APBA2: variants seen among roughly 807,000 people sequenced by gnomAD.
APBA2 encodes the protein amyloid beta precursor protein binding family A member 2.
In APBA2, 30 loss-of-function variants were observed where a neutral mutation model predicts 75.0. The ratio of observed to expected loss-of-function variants is 0.40; its 90% CI spans 0.30 to 0.54. The LOEUF (loss-of-function observed/expected upper bound fraction) is 0.54, where lower values mean the gene tolerates loss of function less well. APBA2 is among the 20% of genes least tolerant of loss of function. The probability of loss-of-function intolerance (pLI) is 0.49; values close to 1 mark genes in which losing one functional copy is unlikely to be tolerated. For missense variants in APBA2, 801 were observed against 1,016.1 expected (o/e 0.79, Z 2.88); for synonymous variants, 444 against 409.6 (o/e 1.08, Z -1.01).
Position 29,053,917 on chromosome 15 carries a change from C to T in APBA2, c.33C>T (p.Ser11=), listed in dbSNP as rs116221298. The T allele has an allele frequency of 1.2e-3, 1,925 of 1,612,646 alleles. 22 individuals carry two copies. The African/African-American group carries it at 0.023, about 19-fold the overall frequency. The change falls in exon 4 of 15, where the codon AGC becomes AGT. Residue 11 remains serine (S), a synonymous_variant. Transcript: ENST00000683413. ...ACCGGAAGCTTGAGAGCGTGGGGAGCGGCATGTTGGACCATAGGGTGAGAC... is the reference window on the plus strand; with the variant it reads ...ACCGGAAGCTTGAGAGCGTGGGGAGTGGCATGTTGGACCATAGGGTGAGAC... MAHRKLESVG[S]GMLDHRVRPG...
At chr15:29,092,926 CGTG>C in intron 6 of APBA2, 146 bp from the exon 7 acceptor site, 2 of 1,032,710 alleles carry the variant, frequency 1.9e-6, no homozygotes, top group Non-Finnish European at 1.5e-6. Flanking sequence ...ACCGGCCGCC[CGTG>C]GCTGGCTGCA....
intron 1 of APBA2, among the ~76,000 whole-genome samples, chr15:28,898,781 G>T (rs2032666822): frequency 6.6e-6 from 1 of 152,182 alleles, no homozygotes; most frequent in Non-Finnish European, 1.5e-5. Context: ...TTCTTCTACT[G>T]CTAGAACAAT....
At chr15:29,065,004 A>AGTGTGTGTGTGT (rs35524060) in intron 4 of APBA2, among the ~76,000 whole-genome samples, 10 of 148,650 alleles carry the variant, frequency 6.7e-5, no homozygotes, top group African/African-American at 2.5e-4. Flanking sequence ...AGGTGCTCAT[A>AGTGTGTGTGTGT]GTGTGTGTGT....
Position 29,112,420 on chromosome 15 carries a change from G to A in APBA2, c.2038-1456G>A, listed in dbSNP as rs145496598. Among the ~76,000 whole-genome samples, 6 of 152,336 alleles carry A rather than the reference G, an allele frequency of 3.9e-5. No individual in the cohort carries two copies. In the East Asian group the frequency reaches 9.7e-4, roughly 25 times the overall value. ...ATCTGGGTGCTGGTGTGTAGGAGAC[G>A]GGGAGGCCCCCTCACAGTTGTCTGT... On this transcript the variant is annotated intron_variant, in intron 13 of 14. Coordinates refer to ENST00000683413, the MANE Select transcript of APBA2 (RefSeq NM_001353788.2).
rs2033764125 is a variant in APBA2 at position 28,918,001 on chromosome 15, T to A, written c.-204-3639T>A. Reference sequence around the variant, plus strand: ...TGCCTACCCCAGCTCAGCTGCCTGCTGCTTAGATGCCACTGTGGGGCAAGG... The same window carrying A: ...TGCCTACCCCAGCTCAGCTGCCTGCAGCTTAGATGCCACTGTGGGGCAAGG... On this transcript the variant is annotated intron_variant, in intron 1 of 14. Transcript: ENST00000683413. The surrounding 1 kb of genome is among the most constrained non-coding windows in gnomAD (Gnocchi z 4.2). Among the ~76,000 whole-genome samples the A allele has an allele frequency of 1.3e-5, 2 of 152,194 alleles. No homozygotes were observed. The highest frequency in any genetic ancestry group is 2.9e-5 in the Non-Finnish European group (2 of 68,030).
Position 29,101,631 on chromosome 15 carries a change from C to T in APBA2, c.1371C>T (p.Ile457=). 1 of 1,613,674 alleles carries T rather than the reference C, an allele frequency of 6.2e-7. No individual in the cohort carries two copies. The highest frequency in any genetic ancestry group is 8.5e-7 in the Non-Finnish European group (1 of 1,179,988). Residue 457 remains isoleucine, a synonymous_variant, in exon 10 of 15, where the codon ATC becomes ATT. Coordinates refer to ENST00000683413, the MANE Select transcript of APBA2 (RefSeq NM_001353788.2). The part of the protein sequence containing the change: ...ETMMDHALRT[I]SYIADIGNIV... ...TGATGGACCACGCCTTGCGTACCATCTCCTACATCGCCGACATTGGGAACA... is the reference window on the plus strand; with the variant it reads ...TGATGGACCACGCCTTGCGTACCATTTCCTACATCGCCGACATTGGGAACA...
chr15:29,065,204 C>T (rs2042327579), intron 4 of APBA2, among the ~76,000 whole-genome samples: 1 of 152,264 alleles, frequency 6.6e-6, no homozygotes, highest in South Asian at 2.1e-4. Flanking sequence ...TGGCATCATG[C>T]CTCTCTTGCA....
chr15:29,031,531 G>T (rs372937067), intron 3 of APBA2, among the ~76,000 whole-genome samples: 1 of 152,112 alleles, frequency 6.6e-6, no homozygotes, highest in Admixed American at 6.5e-5. Flanking sequence ...GTGCAGTGGC[G>T]CAATCTTGGC....
At chr15:29,063,315 T>G (rs1279102712) in intron 4 of APBA2, among the ~76,000 whole-genome samples, 5 of 93,808 alleles carry the variant, frequency 5.3e-5, no homozygotes, top group Admixed American at 1.2e-4. Flanking sequence ...GTATGGGTGA[T>G]GCGGGGAGTT....
intron 3 of APBA2, among the ~76,000 whole-genome samples, chr15:29,052,164 A>G (rs1163125571): frequency 6.6e-6 from 1 of 152,160 alleles, no homozygotes; most frequent in East Asian, 1.9e-4. Context: ...TAGCTGAAGA[A>G]GTAGAACGTT....
chr15:28,942,736 GA>G (rs774420594), intron 2 of APBA2, among the ~76,000 whole-genome samples: 15 of 152,194 alleles, frequency 9.9e-5, no homozygotes, highest in Non-Finnish European at 2.1e-4. Flanking sequence ...CTTACCCCAG[GA>G]CCCGAGTGAG....
Position 28,909,266 on chromosome 15 carries a change from A to C in APBA2, c.-204-12374A>C, listed in dbSNP as rs189962209. Among the ~76,000 whole-genome samples the C allele has an allele frequency of 1.2e-3, 181 of 152,274 alleles. 1 individual carries two copies. The highest frequency in any genetic ancestry group is 3.4e-3 in the Middle Eastern group (1 of 294). ...CGGCCTCCCAAAGTGCTGGGATTAC[A>C]GGCTTGAGCCACCGCGCCCAGCAAC... On this transcript the variant is annotated intron_variant, in intron 1 of 14. Transcript: ENST00000683413.
At chr15:29,101,918 G>T in intron 10 of APBA2, 134 bp downstream of exon 10, 1 of 889,396 alleles carries the variant, frequency 1.1e-6, no homozygotes, top group Non-Finnish European at 1.8e-6. Context: ...GTGGATCAGT[G>T]ATCTTTTGCA....
At chr15:28,887,454 T>A (rs142803713) in intron 1 of APBA2, among the ~76,000 whole-genome samples, 1 of 151,952 alleles carries the variant, frequency 6.6e-6, no homozygotes, top group Non-Finnish European at 1.5e-5. Context: ...AGCCTGCAGG[T>A]GGCTTTTTCT....
At chr15:28,954,018 A>G (rs1202930469) in intron 2 of APBA2, among the ~76,000 whole-genome samples, 2 of 152,142 alleles carry the variant, frequency 1.3e-5, no homozygotes, top group East Asian at 1.9e-4. Context: ...GTCCCTGGCC[A>G]TCTCAACCCC....
At chr15:29,023,441 C>CT (rs10604525) in intron 3 of APBA2, among the ~76,000 whole-genome samples, 2,341 of 73,294 alleles carry the variant, frequency 0.032, 312 homozygotes, top group Middle Eastern at 0.056. Context: ...TACCTTTTTC[C>CT]TTTTTTTTTT....
At chr15:28,934,683 CT>C (rs1046961961) in intron 2 of APBA2, among the ~76,000 whole-genome samples, 1 of 152,148 alleles carries the variant, frequency 6.6e-6, no homozygotes, top group Non-Finnish European at 1.5e-5. Flanking sequence ...ATTTTATCCC[CT>C]GGGGCCTCCT....
intron 2 of APBA2, among the ~76,000 whole-genome samples, chr15:28,944,866 C>G (rs961521847): frequency 2.6e-5 from 4 of 152,238 alleles, no homozygotes; most frequent in Admixed American, 2.6e-4. Flanking sequence ...GCTGCTTGCC[C>G]CACGTGGGTT....
chr15:29,109,831 C>T (rs558490985), intron 13 of APBA2, among the ~76,000 whole-genome samples: 25 of 152,358 alleles, frequency 1.6e-4, no homozygotes, highest in African/African-American at 5.8e-4. Flanking sequence ...CCATAAAGTA[C>T]CCCAAGCTAT....
Sources: gnomAD v4.1 joint callset for allele counts (sites outside exome capture counted in the v4.1 genomes callset) on GRCh38, gnomAD v4.1.1 for gene constraint, Gnocchi (gnomAD v3.1) non-coding constraint, MANE v1.5 for transcripts, NCBI Gene and HGNC (gene_info 2026-07-23, HGNC 2026-07-21) for gene names.